The following ARL15 variants were observed in gnomAD, a reference collection of about 807,000 sequenced individuals.
ARL15 encodes ADP-ribosylation factor-like protein 15.
A neutral mutation model predicts 25.2 loss-of-function variants in ARL15; 19 were observed. The observed-to-expected ratio is 0.75, with a 90% CI of 0.53 to 1.10. ARL15 has a LOEUF of 1.10. Among genes scored for constraint, ARL15 ranks in the 50% least tolerant of loss-of-function variants. The pLI, the probability that ARL15 is intolerant of heterozygous loss-of-function variation, is 0.00. For missense variants in ARL15, 220 were observed against 246.0 expected (o/e 0.89, Z 0.71); for synonymous variants, 94 against 86.8 (o/e 1.08, Z -0.46).
At chr5:54,219,073 AC>A (rs1170508701) in intron 1 of ARL15, among the ~76,000 whole-genome samples, 2 of 152,022 alleles carry the variant, frequency 1.3e-5, no homozygotes, top group African/African-American at 4.8e-5. Flanking sequence ...TTTAGTCGGC[AC>A]TAACATAGCC....
chr5:53,890,712 C>A lies in ARL15; in HGVS notation c.463-3999G>T, dbSNP rs190088529. ...ACCTATTTTAGCCCTGTCACCAGAG[C>A]CTTTCTCCACTCATGCCACTGCCGG... is the stretch of plus-strand genomic sequence containing the variant. On this transcript the variant is annotated intron_variant, in intron 4 of 4. Coordinates refer to ENST00000504924, the MANE Select transcript of ARL15 (RefSeq NM_019087.3). Among the ~76,000 whole-genome samples, 323 of 152,320 alleles carry A rather than the reference C, an allele frequency of 2.1e-3. 1 individual carries two copies. The highest frequency in any genetic ancestry group is 2.6e-3 in the Non-Finnish European group (178 of 68,028).
At chr5:54,042,218 C>T (rs1344978097) in intron 4 of ARL15, among the ~76,000 whole-genome samples, 1 of 152,166 alleles carries the variant, frequency 6.6e-6, no homozygotes, top group Non-Finnish European at 1.5e-5. Context: ...ATCCGCCCAC[C>T]TCAGCCTCCC....
At chr5:53,995,303 CAAAAAAAAAAAAAAAA>C in intron 4 of ARL15, among the ~76,000 whole-genome samples, 1 of 44,692 alleles carries the variant, frequency 2.2e-5, no homozygotes, top group Middle Eastern at 0.014. Flanking sequence ...GACTCCGTCA[CAAAAAAAAAAAAAAAA>C]AAAAAAAAGC....
At chr5:54,186,158 C>G (rs1373322683) in intron 1 of ARL15, among the ~76,000 whole-genome samples, 1 of 152,182 alleles carries the variant, frequency 6.6e-6, no homozygotes, top group Non-Finnish European at 1.5e-5. Context: ...AAAAGCATAA[C>G]AGAGCAGAAG....
chr5:54,078,628 T>G (rs894868446), intron 4 of ARL15, among the ~76,000 whole-genome samples: 35 of 152,188 alleles, frequency 2.3e-4, no homozygotes, highest in African/African-American at 8.4e-4. Context: ...CTCCAAAATT[T>G]CTGACCTCCC....
intron 4 of ARL15, among the ~76,000 whole-genome samples, chr5:54,080,501 T>G (rs553305744): frequency 2.0e-5 from 3 of 152,288 alleles, no homozygotes; most frequent in African/African-American, 7.2e-5. Flanking sequence ...TGTATCATGT[T>G]CTCATCATCC....
At chr5:53,913,058 C>T (rs561074914) in intron 4 of ARL15, among the ~76,000 whole-genome samples, 18 of 152,230 alleles carry the variant, frequency 1.2e-4, no homozygotes, top group African/African-American at 3.4e-4. Context: ...CCAGCACTTT[C>T]GGAGGCTGAC....
chr5:54,144,619 A>G (rs909880179), intron 3 of ARL15, among the ~76,000 whole-genome samples: 1 of 151,774 alleles, frequency 6.6e-6, no homozygotes, highest in East Asian at 1.9e-4. Context: ...GATTTACTTC[A>G]TATTGCGGTG....
intron 4 of ARL15, among the ~76,000 whole-genome samples, chr5:53,950,815 G>A (rs921307909): frequency 1.3e-5 from 2 of 152,146 alleles, no homozygotes; most frequent in Non-Finnish European, 2.9e-5. Context: ...GTGCTCTAAG[G>A]TATTTCTTGA....
chr5:53,978,897 TCTC>T (rs1455292672), intron 4 of ARL15, among the ~76,000 whole-genome samples: 1 of 152,084 alleles, frequency 6.6e-6, no homozygotes, highest in Admixed American at 6.6e-5. Context: ...ATATTGAAAA[TCTC>T]CTTTGTAAAT....
chr5:54,102,853 T>C (rs1205944907), intron 4 of ARL15, among the ~76,000 whole-genome samples: 1 of 152,198 alleles, frequency 6.6e-6, no homozygotes, highest in Non-Finnish European at 1.5e-5. Flanking sequence ...ATGCTAAAAT[T>C]ATATTGTTCT....
At chr5:54,220,057 T>TA (rs931647669) in intron 1 of ARL15, among the ~76,000 whole-genome samples, 3 of 152,038 alleles carry the variant, frequency 2.0e-5, no homozygotes, top group Non-Finnish European at 2.9e-5. Context: ...ACAGATTATT[T>TA]AAAAAAAACA....
intron 4 of ARL15, among the ~76,000 whole-genome samples, chr5:53,892,490 G>A (rs76064901): frequency 0.025 from 3,780 of 152,234 alleles, 99 homozygotes; most frequent in Admixed American, 0.074. Context: ...TTTCTTGTAA[G>A]TTTAAATACA....
intron 2 of ARL15, among the ~76,000 whole-genome samples, chr5:54,163,119 GT>G (rs1168694679): frequency 6.6e-6 from 1 of 151,656 alleles, no homozygotes; most frequent in African/African-American, 2.4e-5. Flanking sequence ...TTGATGCTGA[GT>G]TTTTTTTGTT....
At chr5:54,173,056 A>C in intron 1 of ARL15, among the ~76,000 whole-genome samples, 1 of 151,966 alleles carries the variant, frequency 6.6e-6, no homozygotes, top group South Asian at 2.1e-4. Flanking sequence ...GGTGGCAGGC[A>C]CCTGTAATTC....
chr5:54,285,279 T>C (rs540849709), intron 1 of ARL15: 5 of 738,198 alleles, frequency 6.8e-6, no homozygotes, highest in Admixed American at 6.3e-5. Flanking sequence ...GAGAGGTCTA[T>C]AGAAAAAGAA....
At chr5:53,951,123 A>T (rs770285107) in intron 4 of ARL15, among the ~76,000 whole-genome samples, 1 of 152,260 alleles carries the variant, frequency 6.6e-6, no homozygotes, top group Non-Finnish European at 1.5e-5. Context: ...ATGTCCATAA[A>T]GTTTCACTGA....
Position 54,226,336 on chromosome 5 carries a change from G to A in ARL15, c.49-54408C>T, listed in dbSNP as rs115190083. On this transcript the variant is annotated intron_variant, in intron 1 of 4. Transcript: ENST00000504924. The stretch of plus-strand genomic sequence containing the variant: ...GAAGGAATGAGTAAGTGAAAGAACA[G>A]AAGGCTGTGACTGGAAGACAGCTCC... Among the ~76,000 whole-genome samples, 1,171 of 152,322 alleles carry A rather than the reference G, an allele frequency of 7.7e-3. 17 individuals are homozygous for A. Among genetic ancestry groups the A allele is most frequent in the African/African-American group, 0.027 (1,105 of 41,574 alleles).
chr5:54,049,995 G>A (rs921529541), intron 4 of ARL15, among the ~76,000 whole-genome samples: 1 of 152,152 alleles, frequency 6.6e-6, no homozygotes, highest in Admixed American at 6.6e-5. Context: ...TGTTCAGATG[G>A]TACTGTACTA....
Sources: gnomAD v4.1 joint callset for allele counts (sites outside exome capture counted in the v4.1 genomes callset) on GRCh38, gnomAD v4.1.1 for gene constraint, MANE v1.5 for transcripts, NCBI Gene and HGNC (gene_info 2026-07-23, HGNC 2026-07-21) for gene names.